ARMC8: variants seen among roughly 807,000 people sequenced by gnomAD.
The protein encoded by ARMC8 is armadillo repeat containing 8.
In ARMC8, 20 loss-of-function variants were observed where a neutral mutation model predicts 99.3. The observed-to-expected ratio is 0.20, with a 90% CI of 0.14 to 0.29. The LOEUF is 0.29. ARMC8 is among the 10% of genes least tolerant of loss of function. ARMC8 has a pLI of 1.00. For missense variants in ARMC8, 569 were observed against 809.5 expected (o/e 0.70, Z 3.60); for synonymous variants, 263 against 278.3 (o/e 0.95, Z 0.55).
intron 5 of ARMC8, 83 bp from the exon 6 acceptor site, chr3:138,228,835 T>C (rs2045830683): frequency 1.2e-6 from 1 of 827,432 alleles, no homozygotes. Flanking sequence ...GAGATTTGAC[T>C]ACCTTCTTGT....
chr3:138,220,409 G>A (rs1197031028), intron 2 of ARMC8, among the ~76,000 whole-genome samples: 2 of 152,120 alleles, frequency 1.3e-5, no homozygotes, highest in African/African-American at 4.8e-5. Flanking sequence ...TTTACAGAGG[G>A]ATAGGTCAGG....
chr3:138,187,681 C>G (rs1046591104), intron 1 of ARMC8, 82 bp downstream of exon 1: 65 of 1,439,598 alleles, frequency 4.5e-5, no homozygotes, highest in Middle Eastern at 1.8e-4. Flanking sequence ...CGTGGTGTGC[C>G]TCCTGGGCAC....
intron 15 of ARMC8, 56 bp downstream of exon 15, chr3:138,267,297 A>G: frequency 9.2e-7 from 1 of 1,082,020 alleles, no homozygotes; most frequent in South Asian, 1.6e-5. Flanking sequence ...AGCTTACTCA[A>G]ATACTTTTTA....
At chr3:138,249,899 T>C (rs182979512) in intron 12 of ARMC8, among the ~76,000 whole-genome samples, 1 of 152,314 alleles carries the variant, frequency 6.6e-6, no homozygotes, top group Admixed American at 6.5e-5. Context: ...AAAATGGACA[T>C]GTTTATCCAT....
At chr3:138,289,157 TG>T (rs1470380164) in intron 20 of ARMC8, 37 bp downstream of exon 20, 1 of 1,525,962 alleles carries the variant, frequency 6.6e-7, no homozygotes, top group East Asian at 2.3e-5. Context: ...AAAAAAATTA[TG>T]GGAAGAGTGT....
At position 138,265,105 on chromosome 3, in the gene ARMC8, C is replaced by T. The variant is rs115677015; in HGVS notation, c.1299+893C>T. Among the ~76,000 whole-genome samples, 802 of 152,070 alleles carry T rather than the reference C, an allele frequency of 5.3e-3. 6 individuals are homozygous for T. Among genetic ancestry groups the T allele is most frequent in the African/African-American group, 0.018 (767 of 41,470 alleles). On this transcript the variant is annotated intron_variant, in intron 14 of 21. Coordinates refer to ENST00000469044, the MANE Select transcript of ARMC8 (RefSeq NM_001363941.2). ...TGAGACAAGGTCTCGCCAAGTTGCC[C>T]AGGCTGGTTTTAAACTCCTGAGCTC...
intron 1 of ARMC8, among the ~76,000 whole-genome samples, chr3:138,194,544 T>TA (rs1313472993): frequency 6.6e-6 from 1 of 151,478 alleles, no homozygotes; most frequent in Non-Finnish European, 1.5e-5. Context: ...TTCACTGTGT[T>TA]AGCCAGGATG....
intron 1 of ARMC8, among the ~76,000 whole-genome samples, chr3:138,188,719 A>T (rs1236488066): frequency 6.6e-6 from 1 of 152,198 alleles, no homozygotes; most frequent in Non-Finnish European, 1.5e-5. Flanking sequence ...TCCCACAAAC[A>T]AACTCACCTA....
chr3:138,287,815 T>C (rs1017579143), intron 19 of ARMC8: 6 of 379,538 alleles, frequency 1.6e-5, no homozygotes, highest in African/African-American at 1.3e-4. Context: ...TATTTTGCCA[T>C]TGATACTCTC....
intron 1 of ARMC8, among the ~76,000 whole-genome samples, chr3:138,206,310 C>T (rs1423785244): frequency 6.6e-6 from 1 of 152,168 alleles, no homozygotes; most frequent in East Asian, 1.9e-4. Flanking sequence ...AAATTCACTT[C>T]CTAGCCACAT....
At chr3:138,231,791 A>G (rs183440674) in intron 6 of ARMC8, among the ~76,000 whole-genome samples, 10 of 151,552 alleles carry the variant, frequency 6.6e-5, no homozygotes, top group Middle Eastern at 3.4e-3. Flanking sequence ...GGGGGGGGAA[A>G]AAAAAAAGAC....
rs190685517 is a variant in ARMC8, at chr3:138,273,233, C to G, written c.1629+117C>G. 8 of 1,111,514 alleles carry G rather than the reference C, an allele frequency of 7.2e-6. 1 individual carries two copies. In the East Asian group the frequency reaches 1.3e-4, roughly 18 times the overall value. 68.9% of individuals were successfully genotyped at this position (1,111,514 alleles called of 1,614,324 possible). A position where few individuals can be genotyped will look rare whatever the true frequency, so the allele number is the denominator to read the frequency against. Reference sequence around the variant, plus strand: ...CCATGAGTGTGATTCAAATGCTGCCCCCTTCCAAAGAAACAAGGAGTTGAT... The same window carrying G: ...CCATGAGTGTGATTCAAATGCTGCCGCCTTCCAAAGAAACAAGGAGTTGAT... On this transcript the variant is annotated intron_variant, in intron 17 of 21. Coordinates refer to ENST00000469044, the MANE Select transcript of ARMC8 (RefSeq NM_001363941.2).
intron 10 of ARMC8, among the ~76,000 whole-genome samples, chr3:138,241,045 G>A (rs571040818): frequency 2.8e-4 from 43 of 151,984 alleles, no homozygotes; most frequent in South Asian, 1.5e-3. Flanking sequence ...GCGAGACTCC[G>A]TCTCAAAAAA....
chr3:138,250,032 C>A (rs975481491), intron 12 of ARMC8, among the ~76,000 whole-genome samples: 7 of 151,876 alleles, frequency 4.6e-5, no homozygotes, highest in African/African-American at 7.3e-5. Flanking sequence ...AGTTTTTGTT[C>A]CTTGAAGGAA....
intron 2 of ARMC8, among the ~76,000 whole-genome samples, chr3:138,221,129 G>C (rs1053206297): frequency 2.0e-5 from 3 of 152,168 alleles, no homozygotes; most frequent in African/African-American, 7.2e-5. Context: ...TTGTGGAATA[G>C]AGTTTTGCTC....
chr3:138,247,653 A>G (rs2046943948), intron 12 of ARMC8, among the ~76,000 whole-genome samples: 3 of 152,248 alleles, frequency 2.0e-5, no homozygotes. Flanking sequence ...TGAGAGGTAT[A>G]CACAGTAGTA....
In ARMC8 at chr3:138,291,586, G is replaced by A. The variant is rs183373501; in HGVS notation, c.1988+947G>A. ...AGATAGATGATAAGCAAATGAATAC[G>A]TAACACAGTATCAGGTGATGAGAGG... On this transcript the variant is annotated intron_variant, in intron 21 of 21. Coordinates refer to ENST00000469044, the MANE Select transcript of ARMC8 (RefSeq NM_001363941.2). Among the ~76,000 whole-genome samples, 171 of 152,282 alleles carry A rather than the reference G, an allele frequency of 1.1e-3. 3 individuals carry two copies. Among genetic ancestry groups the A allele is most frequent in the Admixed American group, 0.011 (164 of 15,292 alleles).
chr3:138,233,901 CATTA>C (rs2046192903), intron 6 of ARMC8, among the ~76,000 whole-genome samples: 1 of 152,084 alleles, frequency 6.6e-6, no homozygotes, highest in South Asian at 2.1e-4. Flanking sequence ...GCTGATTTTT[CATTA>C]ATTGATTGGA....
chr3:138,201,878 G>A (rs910192137), intron 1 of ARMC8, among the ~76,000 whole-genome samples: 13 of 151,764 alleles, frequency 8.6e-5, no homozygotes, highest in African/African-American at 1.7e-4. Flanking sequence ...TTCTTTTTAC[G>A]TTGTGTTCAC....
Sources: allele counts gnomAD v4.1 joint callset (sites outside exome capture counted in the v4.1 genomes callset), GRCh38; gene constraint gnomAD v4.1.1; transcripts MANE v1.5; gene names NCBI Gene and HGNC (gene_info 2026-07-23, HGNC 2026-07-21).